Variants in MTRFR observed in about 807,000 individuals in gnomAD.
MTRFR encodes probable peptide chain release factor C12orf65, mitochondrial.
Under a neutral mutation model 11.9 loss-of-function variants are expected in MTRFR, and 10 were observed. The observed-to-expected ratio is 0.84, with a 90% CI of 0.52 to 1.42. MTRFR has a LOEUF of 1.42. Among genes scored for constraint, MTRFR ranks in the 40% most tolerant of loss-of-function variants. MTRFR has a pLI of 0.00. For synonymous variants in MTRFR, 77 were observed against 79.1 expected, an observed-to-expected ratio of 0.97 and a Z score of 0.14; for missense variants, 196 against 197.9, an observed-to-expected ratio of 0.99 and a Z score of 0.06.
intron 1 of MTRFR, chr12:123,250,030 C>T (rs747737880): frequency 1.3e-5 from 2 of 152,200 alleles, no homozygotes; most frequent in Non-Finnish European, 2.9e-5. Context: ...TAGGTTTGGT[C>T]GTTTAACACA....
In MTRFR at chr12:123,257,203, T is replaced by G. The variant is rs2048192352; in HGVS notation, c.*172T>G. ...CACTAAACTGTAGTGAACAGAGACA[T>G]GCACGATTCAAGAATAAAACTCGGC... On this transcript the variant is annotated 3_prime_UTR_variant, in exon 3 of 3. Coordinates refer to ENST00000253233, the MANE Select transcript of MTRFR (RefSeq NM_152269.5). The G allele has an allele frequency of 3.1e-6, 2 of 645,108 alleles. No individual in the cohort carries two copies. Among genetic ancestry groups the G allele is most frequent in the Admixed American group, 5.9e-5 (2 of 34,088 alleles). The allele number at this position is 645,108 out of a possible 1,614,324, so 40.0% of individuals were successfully genotyped here.
At chr12:123,241,080 C>T (rs187431386) in intron 1 of MTRFR, among the ~76,000 whole-genome samples, 12 of 151,478 alleles carry the variant, frequency 7.9e-5, no homozygotes, top group African/African-American at 2.9e-4. Flanking sequence ...TACTTCTCTC[C>T]AAAGTGAGAG....
At chr12:123,245,359 T>C (rs2048024219) in intron 1 of MTRFR, among the ~76,000 whole-genome samples, 1 of 152,210 alleles carries the variant, frequency 6.6e-6, no homozygotes, top group Non-Finnish European at 1.5e-5. Context: ...GCTTTGGCTA[T>C]GTGGGCTCTA....
In MTRFR at chr12:123,257,030, G is replaced by A. The variant is rs2048190776; in HGVS notation, c.500G>A (p.Ter167=). Residue 167 remains the stop codon, a stop_retained_variant, in exon 3 of 3, where the codon TGA becomes TAA. Coordinates refer to ENST00000253233, the MANE Select transcript of MTRFR (RefSeq NM_152269.5). ...TGGGAGTCAAGTAAAAAGGTCCACTGAGAAAAGAATTAGAGATTCCAACTG... is the reference window on the plus strand; with the variant it reads ...TGGGAGTCAAGTAAAAAGGTCCACTAAGAAAAGAATTAGAGATTCCAACTG... ...ELWESSKKVH[*] The A allele has an allele frequency of 6.2e-7, 1 of 1,609,898 alleles. No individual in the cohort carries two copies. Among genetic ancestry groups the A allele is most frequent in the Non-Finnish European group, 8.5e-7 (1 of 1,177,520 alleles).
chr12:123,250,210 A>G (rs545982096), intron 1 of MTRFR: 7 of 152,228 alleles, frequency 4.6e-5, no homozygotes, highest in African/African-American at 1.7e-4. Context: ...AATGTGTCCA[A>G]AGTTTCCTGA....
At chr12:123,251,399 ATTC>A (rs2048109869) in intron 1 of MTRFR, 1 of 152,172 alleles carries the variant, frequency 6.6e-6, no homozygotes, top group Non-Finnish European at 1.5e-5. Flanking sequence ...CGACTAGAGA[ATTC>A]TTCTCCCTGT....
In MTRFR at chr12:123,256,810, C is replaced by G. The variant is rs1415026661; in HGVS notation, c.283-3C>G. 3 of 1,606,148 alleles carry G rather than the reference C, an allele frequency of 1.9e-6. No individual in the cohort carries two copies. Among genetic ancestry groups the G allele is most frequent in the Non-Finnish European group, 2.6e-6 (3 of 1,172,952 alleles). ...TCACATTATAAAATATTATCTCTTA[C>G]AGTGCCATCAGACAAGATCAGTTGA... On this transcript the variant is annotated splice_region_variant and splice_polypyrimidine_tract_variant and intron_variant, in intron 2 of 2. Transcript: ENST00000253233.
chr12:123,234,201 G>A (rs2047790222), intron 1 of MTRFR, among the ~76,000 whole-genome samples: 1 of 152,120 alleles, frequency 6.6e-6, no homozygotes, highest in Non-Finnish European at 1.5e-5. Context: ...TAACCTTTAA[G>A]GTCTTTCCAG....
intron 1 of MTRFR, chr12:123,251,566 A>C (rs756604228): frequency 2.0e-5 from 3 of 152,330 alleles, no homozygotes; most frequent in Non-Finnish European, 4.4e-5. Flanking sequence ...ACTTAGCTCC[A>C]GGTAAAGTTG....
At chr12:123,255,978 G>A (rs796752348) in intron 2 of MTRFR, among the ~76,000 whole-genome samples, 19 of 152,178 alleles carry the variant, frequency 1.2e-4, no homozygotes, top group African/African-American at 4.3e-4. Context: ...TGTTGCCCAC[G>A]CTGGTCTCAA....
In MTRFR at chr12:123,253,716, C is replaced by A; in HGVS notation, c.42C>A (p.Thr14=). 1 of 1,614,136 alleles carries A rather than the reference C, an allele frequency of 6.2e-7. No individual in the cohort carries two copies. The highest frequency in any genetic ancestry group is 8.5e-7 in the Non-Finnish European group (1 of 1,180,038). Residue 14 remains threonine (T), a synonymous_variant, in exon 2 of 3, where the codon ACC becomes ACA. Transcript: ENST00000253233. The part of the protein sequence containing the change: ...VGLFHFPTPL[T]RICPAPWGLR... Reference sequence around the variant, plus strand: ...TATTTCATTTTCCTACACCACTGACCCGAATATGCCCGGCGCCATGGGGAC... The same window carrying A: ...TATTTCATTTTCCTACACCACTGACACGAATATGCCCGGCGCCATGGGGAC...
chr12:123,245,343 A>C (rs776868976), intron 1 of MTRFR, among the ~76,000 whole-genome samples: 1 of 152,112 alleles, frequency 6.6e-6, no homozygotes, highest in Non-Finnish European at 1.5e-5. Context: ...CTTTTTGCTT[A>C]GTCTTGCTTT....
chr12:123,250,025 T>A (rs1341780005), intron 1 of MTRFR: 1 of 152,252 alleles, frequency 6.6e-6, no homozygotes, highest in Non-Finnish European at 1.5e-5. Flanking sequence ...ATTCTTAGGT[T>A]TGGTCGTTTA....
rs763296067 is a variant in MTRFR at position 123,256,126 on chromosome 12, TAC to T, written c.283-683_283-682del. 2.6e-5 allele frequency among the ~76,000 whole-genome samples: 4 copies of T among 152,202 alleles called. No individual in the cohort carries two copies. The South Asian group carries it at 6.2e-4, about 24-fold the overall frequency. ...ACTCACCCTATAATAACTGAGGCAT[TAC>T]ACAGTGAATGAGTTATGGCTGACTA... is the stretch of plus-strand genomic sequence containing the variant. On this transcript the variant is annotated intron_variant, in intron 2 of 2. Transcript: ENST00000253233.
At chr12:123,254,241 T>C in intron 2 of MTRFR, 1 of 435,268 alleles carries the variant, frequency 2.3e-6, no homozygotes, top group Non-Finnish European at 4.2e-6. Flanking sequence ...GCACTGGTGC[T>C]TGGCTGCTGC....
intron 1 of MTRFR, among the ~76,000 whole-genome samples, chr12:123,242,097 A>G (rs1593276352): frequency 6.6e-6 from 1 of 152,338 alleles, no homozygotes; most frequent in Middle Eastern, 3.4e-3. Context: ...TGTTTTAAAT[A>G]TTCTTGCACA....
chr12:123,241,055 C>T (rs1037417284), intron 1 of MTRFR, among the ~76,000 whole-genome samples: 1 of 151,396 alleles, frequency 6.6e-6, no homozygotes, highest in African/African-American at 2.4e-5. Context: ...AAATGAAAGG[C>T]ATTACCATCC....
chr12:123,237,900 C>CTT (rs34786765), intron 1 of MTRFR, among the ~76,000 whole-genome samples: 3,021 of 147,890 alleles, frequency 0.02, 44 homozygotes, highest in Non-Finnish European at 0.031. Context: ...CACCAAAACA[C>CTT]TTTTTTTTTT....
At chr12:123,239,479 C>T (rs541372814) in intron 1 of MTRFR, among the ~76,000 whole-genome samples, 45 of 152,120 alleles carry the variant, frequency 3.0e-4, no homozygotes, top group African/African-American at 1.1e-3. Flanking sequence ...CTCGGCTCAC[C>T]GCAATCTCCA....
Sources: gnomAD v4.1 joint callset for allele counts (sites outside exome capture counted in the v4.1 genomes callset) on GRCh38, gnomAD v4.1.1 for gene constraint, MANE v1.5 for transcripts, NCBI Gene and HGNC (gene_info 2026-07-23, HGNC 2026-07-21) for gene names.